Variants in BMPER observed in about 807,000 individuals in gnomAD.
The protein encoded by BMPER is BMP binding endothelial regulator, also known as BMP-binding endothelial regulator protein.
A neutral mutation model predicts 87.3 loss-of-function variants in BMPER; 45 were observed. That is an observed-to-expected ratio of 0.52 (90% CI 0.41 to 0.66). The LOEUF (loss-of-function observed/expected upper bound fraction) is 0.66. BMPER is among the 30% of genes least tolerant of loss of function. The pLI is 0.00. For synonymous variants in BMPER, 326 were observed against 316.2 expected (o/e 1.03, Z -0.33); for missense variants, 784 against 867.5 (o/e 0.90, Z 1.21).
intron 2 of BMPER, among the ~76,000 whole-genome samples, chr7:33,909,003 G>A (rs1783887134): frequency 6.6e-6 from 1 of 152,176 alleles, no homozygotes. Flanking sequence ...CAGCCAGGAA[G>A]CTACTTGGCA....
At chr7:33,978,747 A>T (rs2127914906) in intron 6 of BMPER, among the ~76,000 whole-genome samples, 1 of 152,280 alleles carries the variant, frequency 6.6e-6, no homozygotes, top group East Asian at 1.9e-4. Flanking sequence ...CACCTAACCT[A>T]CTGAACACCG....
rs775750117 is a variant in BMPER, at chr7:34,099,205, G to A, written c.1745+13113G>A. Among the ~76,000 whole-genome samples, 24 of 152,272 alleles carry A rather than the reference G, an allele frequency of 1.6e-4. 1 individual carries two copies. The highest frequency in any genetic ancestry group is 6.8e-3 in the Middle Eastern group (2 of 294). ...TACAGGAGTTACCAACATTGTCCAAGGTAACCAGGCAAGAAAGAGGCAGAG... is the reference window on the plus strand; with the variant it reads ...TACAGGAGTTACCAACATTGTCCAAAGTAACCAGGCAAGAAAGAGGCAGAG... On this transcript the variant is annotated intron_variant, in intron 13 of 14. Coordinates refer to ENST00000649409, the MANE Select transcript of BMPER (RefSeq NM_001365308.1).
At chr7:34,152,399 G>A (rs918037) in intron 14 of BMPER, among the ~76,000 whole-genome samples, 90,381 of 151,972 alleles carry the variant, frequency 0.59, 27,161 homozygotes, top group South Asian at 0.75. Context: ...GACAAGTCTA[G>A]TCATGAATTT....
At chr7:33,952,709 G>A (rs1260285780) in intron 3 of BMPER, among the ~76,000 whole-genome samples, 2 of 152,180 alleles carry the variant, frequency 1.3e-5, no homozygotes, top group African/African-American at 2.4e-5. Context: ...AATGGTAAAT[G>A]TTCCCACTGG....
intron 6 of BMPER, among the ~76,000 whole-genome samples, chr7:34,032,226 G>T (rs777365532): frequency 6.6e-6 from 1 of 151,820 alleles, no homozygotes; most frequent in Non-Finnish European, 1.5e-5. Context: ...GGAATCTGAA[G>T]GAGCTCTTAA....
At position 33,966,503 on chromosome 7, in the gene BMPER, A is replaced by G. The variant is rs765462098; in HGVS notation, c.344A>G (p.Tyr115Cys). 15 of 1,613,822 alleles carry G rather than the reference A, an allele frequency of 9.3e-6. No individual in the cohort carries two copies. The South Asian group carries it at 1.4e-4, about 15-fold the overall frequency. Residue 115 changes from tyrosine (Y) to cysteine (C), a missense_variant, in exon 4 of 15, where the codon TAT becomes TGT. Tyr to Cys is a radical substitution (Grantham distance 194, BLOSUM62 -2). Coordinates refer to ENST00000649409, the MANE Select transcript of BMPER (RefSeq NM_001365308.1). Reference sequence around the variant, plus strand: ...GGTTGCACCTATGAAGGAAATACCTATAACAGCTCCTTCAAATGGCAGAGC... The same window carrying G: ...GGTTGCACCTATGAAGGAAATACCTGTAACAGCTCCTTCAAATGGCAGAGC... Reference protein sequence around the residue: ...CKGCTYEGNTYNSSFKWQSPA... With the variant: ...CKGCTYEGNTCNSSFKWQSPA...
chr7:34,108,344 T>C (rs1789877399), intron 13 of BMPER, among the ~76,000 whole-genome samples: 1 of 152,208 alleles, frequency 6.6e-6, no homozygotes, highest in Admixed American at 6.5e-5. Context: ...TAAGGAGGCA[T>C]GTGGAACCGG....
intron 14 of BMPER, among the ~76,000 whole-genome samples, chr7:34,147,396 C>A (rs1791057111): frequency 6.6e-6 from 1 of 152,204 alleles, no homozygotes; most frequent in African/African-American, 2.4e-5. Flanking sequence ...TTATGTTTCA[C>A]CTATAGCGGT....
chr7:34,102,179 T>C (rs1165142041), intron 13 of BMPER, among the ~76,000 whole-genome samples: 1 of 151,956 alleles, frequency 6.6e-6, no homozygotes, highest in Non-Finnish European at 1.5e-5. Flanking sequence ...CTGCATTGGC[T>C]CTAGTTTCAG....
chr7:33,940,866 T>TATATTATATATATATATATA (rs1784735581), intron 3 of BMPER, among the ~76,000 whole-genome samples: 1 of 139,670 alleles, frequency 7.2e-6, no homozygotes, highest in African/African-American at 2.7e-5. Context: ...TTATATATAT[T>TATATTATATATATATATATA]ATATTATATA....
chr7:33,907,316 A>T (rs1266187031), intron 2 of BMPER, among the ~76,000 whole-genome samples: 1 of 152,168 alleles, frequency 6.6e-6, no homozygotes, highest in African/African-American at 2.4e-5. Context: ...GGAATAAGGT[A>T]TGCGACAAAG....
At chr7:33,978,591 T>C (rs1372390111) in intron 6 of BMPER, among the ~76,000 whole-genome samples, 1 of 152,214 alleles carries the variant, frequency 6.6e-6, no homozygotes, top group African/African-American at 2.4e-5. Context: ...GGGTAGCATT[T>C]CCAGCCTGCC....
At chr7:33,989,782 T>G (rs1786148555) in intron 6 of BMPER, among the ~76,000 whole-genome samples, 2 of 152,206 alleles carry the variant, frequency 1.3e-5, no homozygotes, top group Non-Finnish European at 2.9e-5. Context: ...CATCTTGAAT[T>G]GATTTTTGTA....
At chr7:33,964,423 G>A (rs964001610) in intron 3 of BMPER, among the ~76,000 whole-genome samples, 1 of 152,168 alleles carries the variant, frequency 6.6e-6, no homozygotes, top group South Asian at 2.1e-4. Context: ...AGAATGACAC[G>A]TAAACAAGGG....
chr7:34,151,787 G>T (rs1446430748), intron 14 of BMPER, among the ~76,000 whole-genome samples: 2 of 152,190 alleles, frequency 1.3e-5, no homozygotes, highest in Admixed American at 6.5e-5. Flanking sequence ...ACAGAAAAAT[G>T]TTCATTATAG....
At chr7:34,047,795 C>CTTCCTTCA (rs1562709395) in intron 7 of BMPER, among the ~76,000 whole-genome samples, 20 of 33,418 alleles carry the variant, frequency 6.0e-4, no homozygotes, top group South Asian at 1.5e-3. Flanking sequence ...TCTTTCCTTC[C>CTTCCTTCA]TTCCTTCCTT....
At chr7:33,986,455 T>C (rs1786014279) in intron 6 of BMPER, among the ~76,000 whole-genome samples, 1 of 152,266 alleles carries the variant, frequency 6.6e-6, no homozygotes, top group South Asian at 2.1e-4. Flanking sequence ...AGTATCCATG[T>C]TCTTGAAAAT....
In BMPER at chr7:34,127,912, A is replaced by T. The variant is rs190884808; in HGVS notation, c.1746-15318A>T. Among the ~76,000 whole-genome samples, 575 of 152,258 alleles carry T rather than the reference A, an allele frequency of 3.8e-3. 3 individuals carry two copies. Among genetic ancestry groups the T allele is most frequent in the Non-Finnish European group, 6.8e-3 (461 of 68,036 alleles). ...TTCTTTTCTCCACGTCTTCCATTCC[A>T]TCCAAAATATTCTTATTAGCTTGCT... On this transcript the variant is annotated intron_variant, in intron 13 of 14. Coordinates refer to ENST00000649409, the MANE Select transcript of BMPER (RefSeq NM_001365308.1).
At chr7:33,951,643 C>T (rs968066452) in intron 3 of BMPER, among the ~76,000 whole-genome samples, 1 of 152,118 alleles carries the variant, frequency 6.6e-6, no homozygotes, top group Non-Finnish European at 1.5e-5. Flanking sequence ...ATTTTCAGCT[C>T]TGATCACTGT....
Sources: allele counts gnomAD v4.1 joint callset (sites outside exome capture counted in the v4.1 genomes callset), GRCh38; gene constraint gnomAD v4.1.1; transcripts MANE v1.5; gene names NCBI Gene and HGNC (gene_info 2026-07-23, HGNC 2026-07-21).